RARB: variants seen among roughly 807,000 people sequenced by gnomAD.
RARB encodes retinoic acid receptor beta.
RARB carries 17 observed loss-of-function variants against 51.9 expected under a neutral mutation model. The observed-to-expected ratio is 0.33, with a 90% CI of 0.22 to 0.49. The LOEUF (loss-of-function observed/expected upper bound fraction) is 0.49. RARB is among the 20% of genes least tolerant of loss of function. The pLI, the probability that RARB is intolerant of heterozygous loss-of-function variation, is 0.99. For synonymous variants in RARB, 215 were observed against 195.4 expected (o/e 1.10, Z -0.84); for missense variants, 369 against 550.8 (o/e 0.67, Z 3.30).
chr3:25,032,728 G>C (rs1697900939), intron 2 of RARB, among the ~76,000 whole-genome samples: 1 of 152,272 alleles, frequency 6.6e-6, no homozygotes, highest in Middle Eastern at 3.4e-3. Flanking sequence ...ATTTCAGCAG[G>C]GGGCAGGGAG....
chr3:24,840,399 C>T (rs932889306), intron 1 of RARB, among the ~76,000 whole-genome samples: 2 of 152,168 alleles, frequency 1.3e-5, no homozygotes, highest in Non-Finnish European at 2.9e-5. Flanking sequence ...CTATTGCCCC[C>T]TTAGCTGAGG....
chr3:24,852,320 A>G (rs374350201), intron 1 of RARB, among the ~76,000 whole-genome samples: 3 of 152,174 alleles, frequency 2.0e-5, no homozygotes, highest in East Asian at 3.9e-4. Context: ...TATTTGAGAG[A>G]CTGTGGCTCC....
intron 5 of RARB, among the ~76,000 whole-genome samples, chr3:25,286,527 C>T (rs1216640613): frequency 6.6e-6 from 1 of 152,204 alleles, no homozygotes; most frequent in African/African-American, 2.4e-5. Flanking sequence ...TCCTATACAA[C>T]ATTGTTGAAT....
chr3:24,961,545 T>A (rs989724332), intron 2 of RARB, among the ~76,000 whole-genome samples: 3 of 152,074 alleles, frequency 2.0e-5, no homozygotes, highest in African/African-American at 7.2e-5. Flanking sequence ...AATAACTCTT[T>A]ATCTATGGAA....
At chr3:24,997,759 G>T (rs1374468779) in intron 2 of RARB, among the ~76,000 whole-genome samples, 1 of 152,002 alleles carries the variant, frequency 6.6e-6, no homozygotes, top group African/African-American at 2.4e-5. Flanking sequence ...TTACTTTGCA[G>T]CCTATTCAGC....
intron 5 of RARB, among the ~76,000 whole-genome samples, chr3:25,289,751 A>G (rs1703742294): frequency 6.6e-6 from 1 of 151,842 alleles, no homozygotes; most frequent in African/African-American, 2.4e-5. Flanking sequence ...TTTTTTTTCT[A>G]TCTGGGCTAT....
intron 3 of RARB, among the ~76,000 whole-genome samples, chr3:25,099,417 T>C (rs540004045): frequency 1.3e-5 from 2 of 152,264 alleles, no homozygotes; most frequent in East Asian, 3.9e-4. Context: ...ATGTGAATGT[T>C]CTGAGTGAAG....
chr3:24,835,789 A>G (rs1387823205), intron 1 of RARB, among the ~76,000 whole-genome samples: 1 of 152,202 alleles, frequency 6.6e-6, no homozygotes, highest in Non-Finnish European at 1.5e-5. Flanking sequence ...CTACATTAAT[A>G]TGGACACACC....
chr3:25,209,414 A>T (rs546875305), intron 5 of RARB, among the ~76,000 whole-genome samples: 53 of 152,336 alleles, frequency 3.5e-4, no homozygotes, highest in African/African-American at 1.2e-3. Flanking sequence ...TATAGATGTG[A>T]TGAAGTCCTG....
At chr3:25,248,490 A>T (rs931156782) in intron 5 of RARB, among the ~76,000 whole-genome samples, 1 of 152,016 alleles carries the variant, frequency 6.6e-6, no homozygotes, top group Admixed American at 6.6e-5. Flanking sequence ...TGTAGTTGTA[A>T]CCATTGGACC....
rs559792918 is a variant in RARB at position 25,491,013 on chromosome 3, C to G, written c.307-10169C>G. 3.2e-4 allele frequency among the ~76,000 whole-genome samples: 48 copies of G among 152,120 alleles called. 1 individual carries two copies. The highest frequency in any genetic ancestry group is 2.1e-4 in the Non-Finnish European group (14 of 68,030). On this transcript the variant is annotated intron_variant, in intron 2 of 7. Coordinates refer to ENST00000330688, the MANE Select transcript of RARB (RefSeq NM_000965.5). Reference sequence around the variant, plus strand: ...TCTTGAGAAGAGACAAAGTAGTCCGCAAGATATCATATTTATGATATTTAG... The same window carrying G: ...TCTTGAGAAGAGACAAAGTAGTCCGGAAGATATCATATTTATGATATTTAG...
intron 1 of RARB, among the ~76,000 whole-genome samples, chr3:25,432,815 G>T (rs1287137397): frequency 6.6e-6 from 1 of 152,040 alleles, no homozygotes; most frequent in Non-Finnish European, 1.5e-5. Flanking sequence ...TTTTAAATCA[G>T]TAATTTAGAA....
At chr3:25,253,261 CT>C (rs1312319612) in intron 5 of RARB, among the ~76,000 whole-genome samples, 1 of 152,034 alleles carries the variant, frequency 6.6e-6, no homozygotes, top group Non-Finnish European at 1.5e-5. Context: ...CTATCAAAAC[CT>C]GAAGGAAAGG....
chr3:25,415,659 A>G (rs1707684241), intron 5 of RARB, among the ~76,000 whole-genome samples: 1 of 152,206 alleles, frequency 6.6e-6, no homozygotes, highest in Non-Finnish European at 1.5e-5. Context: ...GTCTTCTAAT[A>G]ATTAGTCCTA....
intron 5 of RARB, among the ~76,000 whole-genome samples, chr3:25,390,623 G>T (rs1706924635): frequency 6.6e-6 from 1 of 152,066 alleles, no homozygotes; most frequent in Admixed American, 6.6e-5. Context: ...AATATGTAGT[G>T]GAAATCTATT....
intron 2 of RARB, among the ~76,000 whole-genome samples, chr3:25,035,456 G>T (rs1209255236): frequency 7.4e-6 from 1 of 134,646 alleles, no homozygotes; most frequent in African/African-American, 2.9e-5. Flanking sequence ...TTCTCTCAAG[G>T]TAGCTATTCC....
chr3:25,155,123 C>A (rs1700353283), intron 4 of RARB, among the ~76,000 whole-genome samples: 1 of 152,148 alleles, frequency 6.6e-6, no homozygotes, highest in African/African-American at 2.4e-5. Flanking sequence ...GCATTATATT[C>A]CATCTAAAAT....
chr3:25,099,563 G>A (rs1344704293), intron 3 of RARB, among the ~76,000 whole-genome samples: 1 of 145,438 alleles, frequency 6.9e-6, no homozygotes, highest in Non-Finnish European at 1.5e-5. Flanking sequence ...TATTAACATT[G>A]TTCCATTACT....
intron 5 of RARB, among the ~76,000 whole-genome samples, chr3:25,218,194 AC>A (rs35184032): frequency 6.6e-6 from 1 of 151,972 alleles, no homozygotes; most frequent in East Asian, 1.9e-4. Flanking sequence ...GAGGACAGTC[AC>A]CCCCACTTTT....
Sources: gnomAD v4.1 joint callset for allele counts (sites outside exome capture counted in the v4.1 genomes callset) on GRCh38, gnomAD v4.1.1 for gene constraint, MANE v1.5 for transcripts, NCBI Gene and HGNC (gene_info 2026-07-23, HGNC 2026-07-21) for gene names.